MED27: variants seen among roughly 807,000 people sequenced by gnomAD.
The protein encoded by MED27 is mediator complex subunit 27, also known as mediator of RNA polymerase II transcription subunit 27.
A neutral mutation model predicts 38.2 loss-of-function variants in MED27; 30 were observed. The observed-to-expected ratio is 0.79, with a 90% confidence interval of 0.59 to 1.07. The LOEUF (loss-of-function observed/expected upper bound fraction) is 1.07. Ranked by LOEUF, MED27 falls within the 50% of genes least tolerant of loss-of-function variation. The probability of loss-of-function intolerance (pLI) is 0.00; values close to 1 mark genes in which losing one functional copy is unlikely to be tolerated. For missense variants in MED27, 289 were observed against 397.5 expected, an observed-to-expected ratio of 0.73 and a Z score of 2.32; for synonymous variants, 122 against 153.5, an observed-to-expected ratio of 0.79 and a Z score of 1.52.
At chr9:132,017,596 G>A (rs1033342609) in intron 2 of MED27, among the ~76,000 whole-genome samples, 8 of 152,180 alleles carry the variant, frequency 5.3e-5, no homozygotes, top group Non-Finnish European at 1.2e-4. Flanking sequence ...CAAGTGCGGG[G>A]AATGGGAGTG....
intron 6 of MED27, chr9:131,868,825 A>G: frequency 1.0e-6 from 1 of 985,462 alleles, no homozygotes; most frequent in Non-Finnish European, 1.2e-6. Context: ...TACAGTTCCG[A>G]CGCCAGGCAC....
At chr9:131,919,085 T>C (rs115163287) in intron 4 of MED27, among the ~76,000 whole-genome samples, 129 of 152,134 alleles carry the variant, frequency 8.5e-4, no homozygotes, top group African/African-American at 3.0e-3. Context: ...ATAAAGATAA[T>C]AGCAATTTCA....
chr9:132,042,615 A>C (rs1833244042), intron 2 of MED27, among the ~76,000 whole-genome samples: 1 of 152,196 alleles, frequency 6.6e-6, no homozygotes, highest in Admixed American at 6.5e-5. Context: ...GAAGAACACT[A>C]AGCATTTCTG....
rs1830318399 is a variant in MED27, at chr9:131,917,708, A to G, written c.573+21673T>C. Reference sequence around the variant, plus strand: ...GTTATCTTTCACATAGTATTTGATCAATAAGCATTTGTTACAAGAATGGAG... The same window carrying G: ...GTTATCTTTCACATAGTATTTGATCGATAAGCATTTGTTACAAGAATGGAG... On this transcript the variant is annotated intron_variant, in intron 4 of 7. Transcript: ENST00000292035. This position sits in a 1 kb window ranked among gnomAD's most constrained non-coding sequence, Gnocchi z 4.6. Among the ~76,000 whole-genome samples the G allele has an allele frequency of 6.6e-6, 1 of 152,170 alleles. No individual in the cohort carries two copies. The highest frequency in any genetic ancestry group is 2.4e-5 in the African/African-American group (1 of 41,434).
At chr9:131,868,327 G>A (rs1838770495) in intron 6 of MED27, among the ~76,000 whole-genome samples, 1 of 152,212 alleles carries the variant, frequency 6.6e-6, no homozygotes, top group Non-Finnish European at 1.5e-5. Flanking sequence ...CGCCTAGGCT[G>A]GAGGGCAGTG....
chr9:131,996,293 A>C (rs1832088739), intron 3 of MED27, among the ~76,000 whole-genome samples: 1 of 152,084 alleles, frequency 6.6e-6, no homozygotes, highest in South Asian at 2.1e-4. Flanking sequence ...AGACATAGCA[A>C]CTCTGGCCTG....
intron 6 of MED27, among the ~76,000 whole-genome samples, chr9:131,864,467 A>T (rs1276288624): frequency 6.6e-6 from 1 of 152,232 alleles, no homozygotes; most frequent in Non-Finnish European, 1.5e-5. Flanking sequence ...TGGGCGACAG[A>T]GACCTGTCTC....
intron 2 of MED27, among the ~76,000 whole-genome samples, chr9:132,054,494 A>G (rs558156667): frequency 6.6e-6 from 1 of 152,154 alleles, no homozygotes; most frequent in African/African-American, 2.4e-5. Flanking sequence ...ATTTCTGCAC[A>G]CTGCAATTTC....
chr9:131,865,642 CGT>C (rs1838725108), intron 6 of MED27, among the ~76,000 whole-genome samples: 1 of 152,202 alleles, frequency 6.6e-6, no homozygotes, highest in Non-Finnish European at 1.5e-5. Context: ...TCCGTAGCTC[CGT>C]GTGTGACACC....
At chr9:131,956,382 G>A (rs1015469884) in intron 3 of MED27, among the ~76,000 whole-genome samples, 2 of 152,178 alleles carry the variant, frequency 1.3e-5, no homozygotes, top group East Asian at 1.9e-4. Context: ...TCGGGAGGCC[G>A]AGGCGGGCAG....
intron 5 of MED27, among the ~76,000 whole-genome samples, chr9:131,885,711 G>A (rs9411319): frequency 0.54 from 82,452 of 152,072 alleles, 24,058 homozygotes; most frequent in Middle Eastern, 0.68. Context: ...AATCCCTTCT[G>A]TTTCAACAAA....
intron 4 of MED27, among the ~76,000 whole-genome samples, chr9:131,908,493 G>T (rs1325363282): frequency 6.6e-6 from 1 of 152,056 alleles, no homozygotes; most frequent in African/African-American, 2.4e-5. Flanking sequence ...TGTGTAGAAA[G>T]AAGTAGACAT....
chr9:131,925,535 A>G (rs973254018), intron 4 of MED27, among the ~76,000 whole-genome samples: 1 of 152,248 alleles, frequency 6.6e-6, no homozygotes, highest in Non-Finnish European at 1.5e-5. Context: ...AATATTTCCT[A>G]TCAGTGAAAA....
At chr9:132,042,332 A>C (rs1158017227) in intron 2 of MED27, among the ~76,000 whole-genome samples, 2 of 151,706 alleles carry the variant, frequency 1.3e-5, no homozygotes, top group African/African-American at 4.8e-5. Context: ...CATTGTATAA[A>C]CTCTTTATGC....
chr9:131,973,394 A>G (rs138130548), intron 3 of MED27, among the ~76,000 whole-genome samples: 5 of 151,846 alleles, frequency 3.3e-5, no homozygotes, highest in Non-Finnish European at 5.9e-5. Context: ...CCAATGAGAC[A>G]TGAAGAAATC....
At chr9:131,950,353 G>A (rs1830968456) in intron 3 of MED27, among the ~76,000 whole-genome samples, 1 of 152,188 alleles carries the variant, frequency 6.6e-6, no homozygotes, top group African/African-American at 2.4e-5. Flanking sequence ...ACCAGGAGCT[G>A]GCGAGGGCAG....
chr9:132,047,441 GACACACACAC>G (rs56144736), intron 2 of MED27, among the ~76,000 whole-genome samples: 202 of 145,268 alleles, frequency 1.4e-3, no homozygotes, highest in Middle Eastern at 6.9e-3. Context: ...TAATGTTTTA[GACACACACAC>G]ACACACACAC....
chr9:131,874,256 G>A (rs1838888234), intron 6 of MED27, among the ~76,000 whole-genome samples: 1 of 152,150 alleles, frequency 6.6e-6, no homozygotes, highest in Admixed American at 6.6e-5. Flanking sequence ...TCAGCTCAGG[G>A]TCTTCCCCAT....
chr9:131,938,148 G>A lies in MED27; in HGVS notation c.573+1233C>T, dbSNP rs542824087. Among the ~76,000 whole-genome samples the A allele has an allele frequency of 1.0e-3, 156 of 152,080 alleles. 1 individual carries two copies. The highest frequency in any genetic ancestry group is 3.7e-3 in the African/African-American group (152 of 41,472). Reference sequence around the variant, plus strand: ...CCTGTCTTAAGACCAAAACACGCACGCACACACAATGCTCCCCGAAGATGA... The same window carrying A: ...CCTGTCTTAAGACCAAAACACGCACACACACACAATGCTCCCCGAAGATGA... On this transcript the variant is annotated intron_variant, in intron 4 of 7. Transcript: ENST00000292035.
Sources: gnomAD v4.1 joint callset for allele counts (sites outside exome capture counted in the v4.1 genomes callset) on GRCh38, gnomAD v4.1.1 for gene constraint, Gnocchi (gnomAD v3.1) non-coding constraint, MANE v1.5 for transcripts, NCBI Gene and HGNC (gene_info 2026-07-23, HGNC 2026-07-21) for gene names.